Variants in GAD1 observed in about 807,000 individuals in gnomAD.
GAD1 encodes the protein glutamate decarboxylase 1, also known as 67 kDa glutamic acid decarboxylase.
In GAD1, 35 loss-of-function variants were observed where a neutral mutation model predicts 75.2. The ratio of observed to expected loss-of-function variants is 0.47; its 90% CI spans 0.36 to 0.62. The LOEUF is 0.62. GAD1 is among the 20% of genes least tolerant of loss of function. The pLI, the probability that GAD1 is intolerant of heterozygous loss-of-function variation, is 0.00. For synonymous variants in GAD1, 257 were observed against 271.9 expected, an observed-to-expected ratio of 0.95 and a Z score of 0.54; for missense variants, 490 against 758.5, an observed-to-expected ratio of 0.65 and a Z score of 4.16.
At chr2:170,850,119 A>G (rs571379852) in intron 12 of GAD1, among the ~76,000 whole-genome samples, 1 of 152,358 alleles carries the variant, frequency 6.6e-6, no homozygotes, top group South Asian at 2.1e-4. Flanking sequence ...CCATCCAGCC[A>G]CCTATGGTGC....
At chr2:170,821,721 T>G in intron 2 of GAD1, 1 of 252,050 alleles carries the variant, frequency 4.0e-6, no homozygotes, top group Non-Finnish European at 7.7e-6. Context: ...GCCCGGCCAG[T>G]GGGTGTTGGG....
intron 5 of GAD1, 113 bp downstream of exon 5, chr2:170,831,305 T>C: frequency 7.9e-7 from 1 of 1,266,400 alleles, no homozygotes; most frequent in Non-Finnish European, 1.2e-6. Context: ...CCTGGTGAGA[T>C]AAGGCGGCAA....
chr2:170,852,228 G>A (rs1702757191), intron 12 of GAD1, among the ~76,000 whole-genome samples: 1 of 152,170 alleles, frequency 6.6e-6, no homozygotes, highest in Admixed American at 6.5e-5. Flanking sequence ...TAGGGTTGTG[G>A]TAAGGATTAT....
chr2:170,852,519 C>A, intron 12 of GAD1, 195 bp from the exon 13 acceptor site: 1 of 624,954 alleles, frequency 1.6e-6, no homozygotes, highest in South Asian at 1.9e-5. Context: ...ATAGCAGTTA[C>A]TTCTAAGATA....
chr2:170,859,921 T>C lies in GAD1; in HGVS notation c.*39T>C, dbSNP rs764538997. ...AACATGAGTTTATGGGAATGCCTTT[T>C]CCCTCTGGCACTCCAGAACAAACCT... On this transcript the variant is annotated 3_prime_UTR_variant, in exon 17 of 17. Transcript: ENST00000358196. 1.9e-5 allele frequency: 31 copies of C among 1,594,266 alleles called. No individual in the cohort carries two copies. Among genetic ancestry groups the C allele is most frequent in the Non-Finnish European group, 2.4e-5 (28 of 1,164,612 alleles).
intron 6 of GAD1, among the ~76,000 whole-genome samples, chr2:170,840,666 G>GGGA (rs1559279971): frequency 1.2e-5 from 1 of 84,014 alleles, no homozygotes; most frequent in Non-Finnish European, 2.7e-5. Flanking sequence ...GGAAGGGAGG[G>GGGA]AGGGAGGGAG....
rs1702931025 is a variant in GAD1, at chr2:170,860,067, T to A, written c.*185T>A. 1 of 646,876 alleles carries A rather than the reference T, an allele frequency of 1.5e-6. No individual in the cohort carries two copies. The highest frequency in any genetic ancestry group is 1.8e-5 in the African/African-American group (1 of 55,258). 40.1% of individuals were successfully genotyped at this position (646,876 alleles called of 1,614,324 possible). A position where few individuals can be genotyped will look rare whatever the true frequency, so the allele number is the denominator to read the frequency against. On this transcript the variant is annotated 3_prime_UTR_variant, in exon 17 of 17. Transcript: ENST00000358196. ...AGTTAGCAGGAAATAGTGTTCTTTTTAAAAAGTTGCACATTAGGAACAGAG... is the reference window on the plus strand; with the variant it reads ...AGTTAGCAGGAAATAGTGTTCTTTTAAAAAAGTTGCACATTAGGAACAGAG...
At position 170,853,824 on chromosome 2, in the gene GAD1, C is replaced by T. The variant is rs1054030832; in HGVS notation, c.1264-49C>T. 1.9e-6 allele frequency: 3 copies of T among 1,605,858 alleles called. No homozygotes were observed. Among genetic ancestry groups the T allele is most frequent in the African/African-American group, 1.3e-5 (1 of 74,754 alleles). ...AGCAGCCTAGTTTTAAAGCCACCCA[C>T]ATCTCTGATGTGTAAATGCAGATGC... On this transcript the variant is annotated intron_variant, in intron 13 of 16. Coordinates refer to ENST00000358196, the MANE Select transcript of GAD1 (RefSeq NM_000817.3). This position sits in a 1 kb window ranked among gnomAD's most constrained non-coding sequence, Gnocchi z 4.1.
At chr2:170,824,244 T>C (rs1389409964) in intron 3 of GAD1, among the ~76,000 whole-genome samples, 1 of 152,206 alleles carries the variant, frequency 6.6e-6, no homozygotes. Context: ...CCCATTAGGT[T>C]TGATTGTGAA....
At chr2:170,839,767 C>T (rs990767731) in intron 6 of GAD1, among the ~76,000 whole-genome samples, 4 of 152,166 alleles carry the variant, frequency 2.6e-5, no homozygotes, top group African/African-American at 9.7e-5. Flanking sequence ...TCTTTTCTTC[C>T]AGAACAGGGC....
At position 170,853,025 on chromosome 2, in the gene GAD1, C is replaced by G; in HGVS notation, c.1263+233C>G. 1 of 588,370 alleles carries G rather than the reference C, an allele frequency of 1.7e-6. No individual in the cohort carries two copies. Among genetic ancestry groups the G allele is most frequent in the Non-Finnish European group, 3.0e-6 (1 of 329,970 alleles). 36.4% of individuals were successfully genotyped at this position (588,370 alleles called of 1,614,324 possible). On this transcript the variant is annotated intron_variant, in intron 13 of 16. Coordinates refer to ENST00000358196, the MANE Select transcript of GAD1 (RefSeq NM_000817.3). This position sits in a 1 kb window ranked among gnomAD's most constrained non-coding sequence, Gnocchi z 4.1. Reference sequence around the variant, plus strand: ...ATCAGTACTCAGGGTCTGTCAGCAACTGAACCTTTAAGGAAATTATTTAAT... The same window carrying G: ...ATCAGTACTCAGGGTCTGTCAGCAAGTGAACCTTTAAGGAAATTATTTAAT...
intron 5 of GAD1, among the ~76,000 whole-genome samples, chr2:170,834,892 C>A (rs186076329): frequency 2.0e-5 from 3 of 151,938 alleles, no homozygotes; most frequent in African/African-American, 7.2e-5. Flanking sequence ...GCCTCAGCCT[C>A]CTGAGAAGCT....
intron 6 of GAD1, among the ~76,000 whole-genome samples, chr2:170,840,076 A>C (rs1256714582): frequency 6.6e-6 from 1 of 152,180 alleles, no homozygotes; most frequent in Non-Finnish European, 1.5e-5. Context: ...TAAACACACT[A>C]ACTCGGAGAT....
intron 3 of GAD1, among the ~76,000 whole-genome samples, chr2:170,828,433 T>G (rs1575428889): frequency 1.3e-5 from 1 of 79,702 alleles, no homozygotes; most frequent in South Asian, 4.7e-4. Context: ...TCCTCACCCC[T>G]CCTCTTCCCT....
At chr2:170,856,181 G>GCCTTGTGCATCTGCTCT (rs1702847698) in intron 14 of GAD1, among the ~76,000 whole-genome samples, 1 of 152,314 alleles carries the variant, frequency 6.6e-6, no homozygotes, top group African/African-American at 2.4e-5. Flanking sequence ...TCCACAGCCA[G>GCCTTGTGCATCTGCTCT]CCTTGTGCAT....
chr2:170,824,883 C>G (rs1701985821), intron 3 of GAD1, among the ~76,000 whole-genome samples: 1 of 152,092 alleles, frequency 6.6e-6, no homozygotes, highest in Non-Finnish European at 1.5e-5. Flanking sequence ...TCACTTATCT[C>G]TTGCTGCCAA....
At chr2:170,842,162 T>C (rs3791851) in intron 6 of GAD1, among the ~76,000 whole-genome samples, 34,221 of 152,054 alleles carry the variant, frequency 0.23, 4,244 homozygotes, top group South Asian at 0.37. Context: ...TTGGGCCTAA[T>C]TGGTTTTAAA....
chr2:170,835,437 A>G (rs908304338), intron 5 of GAD1, among the ~76,000 whole-genome samples: 2 of 152,210 alleles, frequency 1.3e-5, no homozygotes, highest in African/African-American at 4.8e-5. Flanking sequence ...ACTTTCATCC[A>G]ATATAGAGAA....
At chr2:170,830,014 C>A in intron 4 of GAD1, 1 of 287,832 alleles carries the variant, frequency 3.5e-6, no homozygotes. Context: ...TGGGAAGTTG[C>A]ATGCTGAGCC....
Sources: allele counts gnomAD v4.1 joint callset (sites outside exome capture counted in the v4.1 genomes callset), GRCh38; gene constraint gnomAD v4.1.1; non-coding constraint Gnocchi (gnomAD v3.1); transcripts MANE v1.5; gene names NCBI Gene and HGNC (gene_info 2026-07-23, HGNC 2026-07-21).